Variants in TAFA5 observed in about 807,000 individuals in gnomAD.
The protein encoded by TAFA5 is chemokine-like protein TAFA-5.
In TAFA5, 6 loss-of-function variants were observed where a neutral mutation model predicts 15.3. The ratio of observed to expected loss-of-function variants is 0.39; its 90% CI spans 0.21 to 0.77. The LOEUF is 0.77. Among genes scored for constraint, TAFA5 ranks in the 30% least tolerant of loss-of-function variants. The pLI, the probability that TAFA5 is intolerant of heterozygous loss-of-function variation, is 0.41. For missense variants in TAFA5, 161 were observed against 193.1 expected, an observed-to-expected ratio of 0.83 and a Z score of 0.98; for synonymous variants, 103 against 80.7, an observed-to-expected ratio of 1.28 and a Z score of -1.48.
At position 48,610,298 on chromosome 22, in the gene TAFA5, C is replaced by T. The variant is rs77738845; in HGVS notation, c.113-36299C>T. 5.3e-5 allele frequency among the ~76,000 whole-genome samples: 8 copies of T among 152,342 alleles called. No homozygotes were observed. In the South Asian group the frequency reaches 1.2e-3, roughly 24 times the overall value. ...GCACAGTAATGGGTTCAGTCTTGCC[C>T]GTTGCTCGTGATTCTTTCTGTTTAT... On this transcript the variant is annotated intron_variant, in intron 1 of 3. Transcript: ENST00000402357.
chr22:48,626,195 G>A (rs895401225), intron 1 of TAFA5, among the ~76,000 whole-genome samples: 3 of 152,152 alleles, frequency 2.0e-5, no homozygotes, highest in Admixed American at 6.5e-5. Flanking sequence ...TTTTCAAATC[G>A]ATTGGCTAAG....
chr22:48,542,236 G>T (rs1223046752), intron 1 of TAFA5, among the ~76,000 whole-genome samples: 1 of 145,628 alleles, frequency 6.9e-6, no homozygotes, highest in Non-Finnish European at 1.5e-5. Flanking sequence ...TGTGCTGTGT[G>T]TGTGTGCATA....
chr22:48,504,209 C>T (rs1920971846), intron 1 of TAFA5, among the ~76,000 whole-genome samples: 1 of 152,210 alleles, frequency 6.6e-6, no homozygotes. Context: ...GCCACCTTAT[C>T]TTGTGGCTCA....
intron 2 of TAFA5, among the ~76,000 whole-genome samples, chr22:48,660,555 C>T (rs1927400294): frequency 6.6e-6 from 1 of 152,238 alleles, no homozygotes; most frequent in Non-Finnish European, 1.5e-5. Flanking sequence ...CCGGCAGCCC[C>T]CTTAGCCGCA....
At chr22:48,512,389 T>G (rs1466636264) in intron 1 of TAFA5, among the ~76,000 whole-genome samples, 1 of 151,798 alleles carries the variant, frequency 6.6e-6, no homozygotes, top group African/African-American at 2.4e-5. Context: ...GGCAGATCGC[T>G]TGAGGTCAGG....
intron 1 of TAFA5, among the ~76,000 whole-genome samples, chr22:48,614,186 G>T (rs75839959): frequency 6.6e-6 from 1 of 152,200 alleles, no homozygotes; most frequent in South Asian, 2.1e-4. Flanking sequence ...AAGGGCCTGC[G>T]CAGAGCTGGG....
intron 3 of TAFA5, among the ~76,000 whole-genome samples, chr22:48,722,475 C>T (rs1205738333): frequency 2.6e-5 from 4 of 151,914 alleles, no homozygotes; most frequent in Non-Finnish European, 4.4e-5. Context: ...CCAAACACCG[C>T]GTGTTCTCAC....
chr22:48,519,328 ACT>A (rs1921524767), intron 1 of TAFA5, among the ~76,000 whole-genome samples: 1 of 152,150 alleles, frequency 6.6e-6, no homozygotes, highest in African/African-American at 2.4e-5. Context: ...ACTTTTAATA[ACT>A]CTGGAGCCTA....
intron 1 of TAFA5, among the ~76,000 whole-genome samples, chr22:48,621,872 TGCATCTGCAGGCCTCTGAGCCTG>T (rs1179604734): frequency 2.0e-5 from 3 of 152,230 alleles, no homozygotes; most frequent in African/African-American, 7.2e-5. Context: ...GGAGCAGGGC[TGCATCTGCAGGCCTCTGAGCCTG>T]GCACGGTTTG....
chr22:48,534,689 G>C (rs1449755767), intron 1 of TAFA5, among the ~76,000 whole-genome samples: 5 of 152,200 alleles, frequency 3.3e-5, no homozygotes, highest in Non-Finnish European at 5.9e-5. Context: ...GGTTGAAGGA[G>C]AGGCTGCGCC....
intron 2 of TAFA5, among the ~76,000 whole-genome samples, chr22:48,675,005 G>C (rs538324844): frequency 1.3e-5 from 2 of 151,268 alleles, no homozygotes; most frequent in Admixed American, 6.6e-5. Flanking sequence ...GCAGTGGCGC[G>C]ATCTCGGCTC....
chr22:48,580,703 A>G (rs1195609062), intron 1 of TAFA5, among the ~76,000 whole-genome samples: 2 of 152,184 alleles, frequency 1.3e-5, no homozygotes, highest in African/African-American at 2.4e-5. Flanking sequence ...TGTGTTCTCA[A>G]TGCTTACGGC....
intron 2 of TAFA5, among the ~76,000 whole-genome samples, chr22:48,665,616 A>G (rs1569070697): frequency 6.6e-6 from 1 of 152,152 alleles, no homozygotes; most frequent in Non-Finnish European, 1.5e-5. Context: ...GACCCGACAG[A>G]TCCAACATCA....
At chr22:48,734,118 A>G (rs961594593) in intron 3 of TAFA5, among the ~76,000 whole-genome samples, 1 of 152,224 alleles carries the variant, frequency 6.6e-6, no homozygotes, top group African/African-American at 2.4e-5. Flanking sequence ...TTTAATTACA[A>G]TAAATGCATG....
intron 3 of TAFA5, among the ~76,000 whole-genome samples, 171 bp downstream of exon 3, chr22:48,708,015 CTGA>C (rs1270217992): frequency 1.4e-4 from 2 of 14,800 alleles, no homozygotes; most frequent in Non-Finnish European, 3.4e-4. Context: ...TGCTAAATTC[CTGA>C]CCATCTGTCC....
At chr22:48,531,019 C>T (rs548419975) in intron 1 of TAFA5, among the ~76,000 whole-genome samples, 8 of 152,202 alleles carry the variant, frequency 5.3e-5, no homozygotes, top group Middle Eastern at 3.4e-3. Flanking sequence ...ACATGCCAGC[C>T]GGCAAGAGCT....
intron 2 of TAFA5, among the ~76,000 whole-genome samples, chr22:48,647,835 G>A (rs1233100280): frequency 6.6e-6 from 1 of 152,168 alleles, no homozygotes; most frequent in Non-Finnish European, 1.5e-5. Flanking sequence ...AGAGAGTGCA[G>A]GGAGGGAGGG....
At chr22:48,648,821 C>T (rs572088720) in intron 2 of TAFA5, among the ~76,000 whole-genome samples, 1 of 131,232 alleles carries the variant, frequency 7.6e-6, no homozygotes, top group Non-Finnish European at 1.6e-5. Context: ...GAGCAAGACT[C>T]TGTCTCAAAA....
chr22:48,532,603 G>A (rs1004792854), intron 1 of TAFA5, among the ~76,000 whole-genome samples: 4 of 152,202 alleles, frequency 2.6e-5, no homozygotes, highest in African/African-American at 7.2e-5. Context: ...CTATAGTCAC[G>A]TCCAGCATCT....
Sources: allele counts gnomAD v4.1 joint callset (sites outside exome capture counted in the v4.1 genomes callset), GRCh38; gene constraint gnomAD v4.1.1; transcripts MANE v1.5; gene names NCBI Gene and HGNC (gene_info 2026-07-23, HGNC 2026-07-21).